AP1B1: variants seen among roughly 807,000 people sequenced by gnomAD.
AP1B1 encodes the protein AP-1 complex subunit beta-1.
A neutral mutation model predicts 104.3 loss-of-function variants in AP1B1; 36 were observed. The ratio of observed to expected loss-of-function variants is 0.35; its 90% CI spans 0.26 to 0.46. The LOEUF is 0.46. AP1B1 is among the 20% of genes least tolerant of loss of function. The probability of loss-of-function intolerance (pLI) is 1.00; values close to 1 mark genes in which losing one functional copy is unlikely to be tolerated. For synonymous variants in AP1B1, 504 were observed against 517.5 expected (o/e 0.97, Z 0.35); for missense variants, 901 against 1,247.9 (o/e 0.72, Z 4.19).
chr22:29,345,312 C>A (rs1221808257), intron 11 of AP1B1, among the ~76,000 whole-genome samples: 2 of 149,880 alleles, frequency 1.3e-5, no homozygotes, highest in East Asian at 3.9e-4. Context: ...CCTGCCTCGG[C>A]CTCCCAAAGT....
chr22:29,349,509 A>T, intron 10 of AP1B1, 126 bp from the exon 11 acceptor site: 1 of 969,052 alleles, frequency 1.0e-6, no homozygotes, highest in Non-Finnish European at 1.5e-6. Flanking sequence ...GGTAAAGGGG[A>T]TCTGAGTTTT....
intron 16 of AP1B1, among the ~76,000 whole-genome samples, chr22:29,335,899 C>G (rs560305543): frequency 2.6e-5 from 4 of 152,162 alleles, no homozygotes; most frequent in Admixed American, 2.6e-4. Flanking sequence ...TGAGAGAGTA[C>G]GCAGAAGCTG....
At chr22:29,334,676 G>T (rs551744171) in intron 16 of AP1B1, among the ~76,000 whole-genome samples, 1 of 152,352 alleles carries the variant, frequency 6.6e-6, no homozygotes, top group South Asian at 2.1e-4. Context: ...CTGACGTTGA[G>T]TCCTCAGAGG....
intron 6 of AP1B1, 143 bp from the exon 7 acceptor site, chr22:29,355,014 T>C (rs2061933966): frequency 3.0e-6 from 2 of 665,212 alleles, no homozygotes; most frequent in Non-Finnish European, 5.1e-6. Flanking sequence ...GGTGGGTGGA[T>C]CACTTGAGGT....
At chr22:29,380,160 C>T (rs2062414273) in intron 1 of AP1B1, among the ~76,000 whole-genome samples, 1 of 152,132 alleles carries the variant, frequency 6.6e-6, no homozygotes. Context: ...ACTGATCACT[C>T]CCTCCTTCCT....
chr22:29,329,319 C>A, intron 22 of AP1B1: 1 of 1,164,798 alleles, frequency 8.6e-7, no homozygotes, highest in Non-Finnish European at 1.1e-6. Context: ...TGGGCTCATT[C>A]CTGGTTTCCT....
intron 7 of AP1B1, among the ~76,000 whole-genome samples, chr22:29,352,735 C>A (rs934130498): frequency 2.0e-5 from 3 of 152,134 alleles, no homozygotes; most frequent in Non-Finnish European, 4.4e-5. Context: ...TCAAGACGAG[C>A]CTCGGCAACA....
In AP1B1 at chr22:29,340,808, C is replaced by A. The variant is rs893359559; in HGVS notation, c.1846G>T (p.Gly616Trp). 5 of 1,600,490 alleles carry A rather than the reference C, an allele frequency of 3.1e-6. No homozygotes were observed. In the African/African-American group the frequency reaches 6.7e-5, roughly 21 times the overall value. The part of the protein sequence containing the change: ...PETAPTGAPP[G>W]EQPDVIPAQG... Reference sequence around the variant, plus strand: ...GCGGGGATGACATCTGGCTGCTCCCCAGGAGGTGCTCCAGTAGGGGCTGTC... The same window carrying A: ...GCGGGGATGACATCTGGCTGCTCCCAAGGAGGTGCTCCAGTAGGGGCTGTC... Residue 616 changes from glycine (G) to tryptophan (W), a missense_variant, in exon 14 of 23, where the codon GGG becomes TGG. Transcript: ENST00000357586.
rs779133451 is a variant in AP1B1 at position 29,351,146 on chromosome 22, C to G, written c.1155+25G>C. 181 of 1,592,936 alleles carry G rather than the reference C, an allele frequency of 1.1e-4. No individual in the cohort carries two copies. The Admixed American group carries it at 3.0e-3, about 27-fold the overall frequency. On this transcript the variant is annotated intron_variant, in intron 9 of 22. Transcript: ENST00000357586. Reference sequence around the variant, plus strand: ...TTCAGCCCCCTTTTCCTTCTCCAGCCAAGGACAGAGTCCCAGAGCCTCACC... The same window carrying G: ...TTCAGCCCCCTTTTCCTTCTCCAGCGAAGGACAGAGTCCCAGAGCCTCACC...
intron 7 of AP1B1, among the ~76,000 whole-genome samples, chr22:29,352,376 T>C (rs1406881185): frequency 6.6e-6 from 1 of 152,232 alleles, no homozygotes; most frequent in Non-Finnish European, 1.5e-5. Flanking sequence ...ACTGGGAATA[T>C]GGAATTTGTG....
chr22:29,353,109 G>A (rs540028106), intron 7 of AP1B1, among the ~76,000 whole-genome samples: 1 of 152,302 alleles, frequency 6.6e-6, no homozygotes, highest in South Asian at 2.1e-4. Context: ...CAGTAAAGAC[G>A]AGAGTGGGGC....
At chr22:29,370,302 A>G (rs1189289497) in intron 1 of AP1B1, among the ~76,000 whole-genome samples, 1 of 152,024 alleles carries the variant, frequency 6.6e-6, no homozygotes, top group African/African-American at 2.4e-5. Context: ...AAATACAAAA[A>G]ATTAGCTGGG....
intron 1 of AP1B1, among the ~76,000 whole-genome samples, chr22:29,386,039 T>A (rs1345320259): frequency 6.6e-6 from 1 of 152,158 alleles, no homozygotes; most frequent in Non-Finnish European, 1.5e-5. Flanking sequence ...CAGAAGGAAG[T>A]AACGCTCCAG....
At position 29,350,158 on chromosome 22, in the gene AP1B1, G is replaced by C; in HGVS notation, c.1156-8C>G. The C allele has an allele frequency of 6.2e-7, 1 of 1,612,642 alleles. No homozygotes were observed. The highest frequency in any genetic ancestry group is 1.7e-5 in the Admixed American group (1 of 60,014). On this transcript the variant is annotated splice_polypyrimidine_tract_variant and splice_region_variant and intron_variant, in intron 9 of 22. Transcript: ENST00000357586. The stretch of plus-strand genomic sequence containing the variant: ...ACAGCGCTCCGCAGATTGCTGCATG[G>C]GAAGAGAAGAGTGTGGGCGAGGTCC...
At chr22:29,359,743 C>T (rs1344479228) in intron 4 of AP1B1, 81 bp downstream of exon 4, 3 of 1,528,952 alleles carry the variant, frequency 2.0e-6, no homozygotes, top group East Asian at 2.3e-5. Context: ...TCCAGTGCCA[C>T]AGGGCCCCGC....
chr22:29,346,980 A>G (rs2057472075), intron 11 of AP1B1, among the ~76,000 whole-genome samples: 1 of 152,162 alleles, frequency 6.6e-6, no homozygotes, highest in Non-Finnish European at 1.5e-5. Flanking sequence ...CTCGCCAACC[A>G]GAGTCACAGT....
intron 10 of AP1B1, 130 bp downstream of exon 10, chr22:29,349,905 G>T (rs1049063773): frequency 7.9e-6 from 6 of 760,292 alleles, no homozygotes; most frequent in Non-Finnish European, 1.3e-5. Flanking sequence ...AAAAAACAAA[G>T]GGTTTCTTTT....
chr22:29,339,680 C>A, intron 15 of AP1B1, 74 bp downstream of exon 15: 1 of 1,534,748 alleles, frequency 6.5e-7, no homozygotes, highest in Non-Finnish European at 8.9e-7. Flanking sequence ...CCGCCCCCGC[C>A]CCTTGGGATG....
chr22:29,365,717 C>T (rs1250641760), intron 2 of AP1B1, among the ~76,000 whole-genome samples: 1 of 151,726 alleles, frequency 6.6e-6, no homozygotes, highest in Non-Finnish European at 1.5e-5. Context: ...TGGCTCTAAC[C>T]TCTTCTTGTA....
Sources: allele counts gnomAD v4.1 joint callset (sites outside exome capture counted in the v4.1 genomes callset), GRCh38; gene constraint gnomAD v4.1.1; transcripts MANE v1.5; gene names NCBI Gene and HGNC (gene_info 2026-07-23, HGNC 2026-07-21).